The following SCIMP variants were observed in gnomAD, a reference collection of about 807,000 sequenced individuals.
SCIMP encodes the protein SLP adaptor and CSK interacting membrane protein, also known as SLP adapter and CSK-interacting membrane protein.
In SCIMP, 18 loss-of-function variants were observed where a neutral mutation model predicts 22.0. That is an observed-to-expected ratio of 0.82 (90% CI 0.56 to 1.21). The LOEUF is 1.21. Ranked by LOEUF, SCIMP falls within the 50% of genes most tolerant of loss-of-function variation. The pLI is 0.00. For missense variants in SCIMP, 155 were observed against 171.2 expected (o/e 0.91, Z 0.53); for synonymous variants, 53 against 62.2 (o/e 0.85, Z 0.70).
intron 1 of SCIMP, among the ~76,000 whole-genome samples, chr17:5,230,764 T>A (rs1462580910): frequency 6.6e-6 from 1 of 151,294 alleles, no homozygotes; most frequent in Non-Finnish European, 1.5e-5. Context: ...CTACTGAAAA[T>A]AAAAACAAAA....
chr17:5,218,273 A>G (rs754143388), intron 3 of SCIMP, among the ~76,000 whole-genome samples: 9 of 7,402 alleles, frequency 1.2e-3, no homozygotes, highest in Non-Finnish European at 1.6e-3. Flanking sequence ...CCATCCTCCC[A>G]CTTGGGCCTC....
chr17:5,227,630 C>T (rs1269988538), intron 1 of SCIMP, among the ~76,000 whole-genome samples: 2 of 152,170 alleles, frequency 1.3e-5, no homozygotes, highest in Non-Finnish European at 2.9e-5. Context: ...TTTCCATTTC[C>T]TCTGAGGTGG....
At chr17:5,223,266 A>C in intron 2 of SCIMP, 67 bp downstream of exon 2, 1 of 1,563,232 alleles carries the variant, frequency 6.4e-7, no homozygotes, top group Non-Finnish European at 8.7e-7. Flanking sequence ...CTTGCCCTAA[A>C]GGAGCTCTAC....
At chr17:5,212,943 A>T in intron 4 of SCIMP, 1 of 152,442 alleles carries the variant, frequency 6.6e-6, no homozygotes, top group Non-Finnish European at 1.4e-5. Context: ...ACAATTTTGG[A>T]TAACTGTCAG....
intron 1 of SCIMP, among the ~76,000 whole-genome samples, chr17:5,229,472 C>T (rs1381879580): frequency 7.2e-6 from 1 of 139,382 alleles, no homozygotes; most frequent in Admixed American, 7.9e-5. Context: ...TGGCTCACTG[C>T]AACCTCCATC....
intron 2 of SCIMP, among the ~76,000 whole-genome samples, chr17:5,221,954 A>G (rs2585274): frequency 0.56 from 84,633 of 150,454 alleles, 25,611 homozygotes; most frequent in Non-Finnish European, 0.7. Flanking sequence ...TGTATTTTTA[A>G]TAGAGATGGG....
chr17:5,212,551 A>T (rs1247492542), intron 4 of SCIMP, among the ~76,000 whole-genome samples: 2 of 152,134 alleles, frequency 1.3e-5, no homozygotes, highest in African/African-American at 4.8e-5. Flanking sequence ...GGACAATGGC[A>T]TGAACTCGGG....
At position 5,210,965 on chromosome 17, in the gene SCIMP, A is replaced by G; in HGVS notation, c.284-10T>C. On this transcript the variant is annotated splice_polypyrimidine_tract_variant and intron_variant, in intron 4 of 4. Coordinates refer to ENST00000574081, the MANE Select transcript of SCIMP (RefSeq NM_207103.3). ...GGGGCTTCCTGTGGGGCTAGAATAC[A>G]CAAAAAGCTCCTTAGATGCAAAGCT... The G allele has an allele frequency of 2.5e-6, 4 of 1,594,260 alleles. No homozygotes were observed. Among genetic ancestry groups the G allele is most frequent in the Non-Finnish European group, 3.4e-6 (4 of 1,174,762 alleles).
intron 3 of SCIMP, among the ~76,000 whole-genome samples, chr17:5,217,205 C>T (rs1225381903): frequency 6.6e-6 from 1 of 152,096 alleles, no homozygotes; most frequent in Admixed American, 6.6e-5. Flanking sequence ...TTCACAAATC[C>T]TGCTCTGGTC....
At position 5,214,453 on chromosome 17, in the gene SCIMP, G is replaced by A. The variant is rs575944983; in HGVS notation, c.283+472C>T. On this transcript the variant is annotated intron_variant, in intron 4 of 4. Coordinates refer to ENST00000574081, the MANE Select transcript of SCIMP (RefSeq NM_207103.3). ...CACCTGTAGTCCCAGCTACTCAGGA[G>A]GCTGAGGTGGGAGAATGGTGTGAAC... 1.3e-4 allele frequency: 20 copies of A among 154,348 alleles called. No homozygotes were observed. The East Asian group carries it at 1.5e-3, about 12-fold the overall frequency. 9.6% of individuals were successfully genotyped at this position (154,348 alleles called of 1,614,324 possible). A position where few individuals can be genotyped will look rare whatever the true frequency, so the allele number is the denominator to read the frequency against.
intron 3 of SCIMP, among the ~76,000 whole-genome samples, chr17:5,216,177 G>A (rs895978219): frequency 2.0e-5 from 3 of 152,008 alleles, no homozygotes; most frequent in Admixed American, 6.6e-5. Context: ...ACTCCAACCT[G>A]GTTGAGAGTG....
chr17:5,217,319 C>T (rs957473660), intron 3 of SCIMP, among the ~76,000 whole-genome samples: 2 of 152,090 alleles, frequency 1.3e-5, no homozygotes, highest in African/African-American at 4.8e-5. Context: ...AATTAGGAAA[C>T]TCACTAGCTC....
rs1485522204 is a variant in SCIMP, at chr17:5,221,322, C to T, written c.174G>A (p.Leu58=). The T allele has an allele frequency of 1.9e-6, 3 of 1,613,718 alleles. No homozygotes were observed. The East Asian group carries it at 6.7e-5, about 36-fold the overall frequency. Residue 58 remains leucine, a synonymous_variant, in exon 3 of 5, where the codon CTG becomes CTA. Transcript: ENST00000574081. ...RGKKWEIAKP[L]KHKQVDEEKM... The stretch of plus-strand genomic sequence containing the variant: ...TTTCTTCATCTACTTGCTTGTGTTT[C>T]AGGGGCTTGGCAATTTCCCATTTCT...
At chr17:5,212,876 A>G (rs1382067558) in intron 4 of SCIMP, 1 of 152,524 alleles carries the variant, frequency 6.6e-6, no homozygotes, top group Non-Finnish European at 1.5e-5. Context: ...GTGTTCCTGA[A>G]GTTTATACTC....
chr17:5,221,637 G>A (rs916262564), intron 2 of SCIMP, among the ~76,000 whole-genome samples: 5 of 152,206 alleles, frequency 3.3e-5, no homozygotes, highest in Admixed American at 3.3e-4. Flanking sequence ...AATCGGAAAA[G>A]CAGTTTGTAT....
intron 3 of SCIMP, among the ~76,000 whole-genome samples, chr17:5,216,821 C>G (rs916964238): frequency 5.9e-5 from 9 of 152,158 alleles, no homozygotes; most frequent in Non-Finnish European, 1.0e-4. Context: ...TGCCAGTGAC[C>G]TGGGTCTGTT....
intron 1 of SCIMP, 134 bp from the exon 2 acceptor site, chr17:5,223,590 T>A (rs2074624726): frequency 1.3e-6 from 1 of 794,750 alleles, no homozygotes; most frequent in Non-Finnish European, 2.1e-6. Flanking sequence ...TCGCCCAGGC[T>A]GGAGTGCAAT....
At chr17:5,232,946 A>G (rs1040594588) in intron 1 of SCIMP, among the ~76,000 whole-genome samples, 1 of 151,962 alleles carries the variant, frequency 6.6e-6, no homozygotes, top group African/African-American at 2.4e-5. Flanking sequence ...TCCTGACCTC[A>G]AGTGATCCAC....
chr17:5,217,135 A>G (rs2074570963), intron 3 of SCIMP, among the ~76,000 whole-genome samples: 1 of 152,160 alleles, frequency 6.6e-6, no homozygotes, highest in South Asian at 2.1e-4. Flanking sequence ...TCTGACTGCT[A>G]AATTTGGGAA....
Sources: allele counts gnomAD v4.1 joint callset (sites outside exome capture counted in the v4.1 genomes callset), GRCh38; gene constraint gnomAD v4.1.1; transcripts MANE v1.5; gene names NCBI Gene and HGNC (gene_info 2026-07-23, HGNC 2026-07-21).